MAST3: variants seen among roughly 807,000 people sequenced by gnomAD.
MAST3 encodes microtubule associated serine/threonine kinase 3, also known as microtubule-associated serine/threonine-protein kinase 3.
In MAST3, 43 loss-of-function variants were observed where a neutral mutation model predicts 127.0. That is an observed-to-expected ratio of 0.34 (90% confidence interval 0.27 to 0.44). The LOEUF is 0.44. Among genes scored for constraint, MAST3 ranks in the 20% least tolerant of loss-of-function variants. The pLI is 1.00. For synonymous variants in MAST3, 785 were observed against 809.2 expected, an observed-to-expected ratio of 0.97 and a Z score of 0.51; for missense variants, 1,390 against 1,919.1, an observed-to-expected ratio of 0.72 and a Z score of 5.15.
intron 11 of MAST3, among the ~76,000 whole-genome samples, chr19:18,126,942 G>A (rs1001095465): frequency 3.0e-4 from 46 of 151,418 alleles, no homozygotes; most frequent in African/African-American, 8.9e-4. Flanking sequence ...CACCACGCCC[G>A]GCTAATTTTT....
chr19:18,102,197 A>C, intron 1 of MAST3, among the ~76,000 whole-genome samples: 1 of 128,504 alleles, frequency 7.8e-6, no homozygotes. Context: ...TTTGAAACGG[A>C]GTTTCACTCT....
intron 18 of MAST3, 53 bp downstream of exon 18, chr19:18,135,894 C>G: frequency 7.1e-7 from 1 of 1,417,566 alleles, no homozygotes; most frequent in South Asian, 1.2e-5. Flanking sequence ...GCCCTGGGAC[C>G]CAGGGAATGG....
rs988403050 is a variant in MAST3, at chr19:18,137,330, C to T, written c.2064C>T (p.Leu688=). 1.1e-5 allele frequency: 17 copies of T among 1,613,708 alleles called. No individual in the cohort carries two copies. Among genetic ancestry groups the T allele is most frequent in the African/African-American group, 1.3e-5 (1 of 74,912 alleles). The change falls in exon 19 of 28, where the codon CTC becomes CTT. Residue 688 remains leucine, a synonymous_variant. Transcript: ENST00000687212. ...ACAAAGCCGAGTTCGTGCCCCAGCT[C>T]GAAGCTGAGGATGATACCAGCTACT... ...LRHKAEFVPQ[L]EAEDDTSYFD...
At chr19:18,118,663 G>A (rs2039594087) in intron 3 of MAST3, among the ~76,000 whole-genome samples, 1 of 152,150 alleles carries the variant, frequency 6.6e-6, no homozygotes, top group South Asian at 2.1e-4. Context: ...CATTTGGGTG[G>A]GGTGTCAGGA....
chr19:18,111,324 G>A (rs1024997633), intron 3 of MAST3, among the ~76,000 whole-genome samples: 3 of 152,170 alleles, frequency 2.0e-5, no homozygotes, highest in African/African-American at 7.2e-5. Context: ...TTTGCTACCA[G>A]GTCTGTTGAG....
chr19:18,148,294 T>TC (rs971819779), intron 27 of MAST3, among the ~76,000 whole-genome samples: 2 of 148,256 alleles, frequency 1.3e-5, no homozygotes, highest in Non-Finnish European at 3.0e-5. Flanking sequence ...AGAGCAAAAC[T>TC]CCATCTCAAA....
chr19:18,137,424 G>A (rs987548568), intron 19 of MAST3, 63 bp downstream of exon 19: 112 of 1,546,382 alleles, frequency 7.2e-5, no homozygotes, highest in South Asian at 3.9e-4. Flanking sequence ...GTCCCTGGGG[G>A]CAGAGGGCTG....
At chr19:18,131,654 G>T (rs1464039942) in intron 14 of MAST3, among the ~76,000 whole-genome samples, 1 of 150,118 alleles carries the variant, frequency 6.7e-6, no homozygotes, top group Non-Finnish European at 1.5e-5. Flanking sequence ...AGCCGAGATC[G>T]CGCCACTGCA....
intron 15 of MAST3, among the ~76,000 whole-genome samples, chr19:18,132,297 G>T (rs564819765): frequency 6.6e-6 from 1 of 152,126 alleles, no homozygotes; most frequent in Non-Finnish European, 1.5e-5. Flanking sequence ...GGGGAAGGCC[G>T]GTGCACTTAT....
At chr19:18,123,402 C>T (rs749861018) in intron 7 of MAST3, 28 bp downstream of exon 7, 10 of 1,591,500 alleles carry the variant, frequency 6.3e-6, no homozygotes, top group East Asian at 2.3e-5. Context: ...GCCCCAGCCC[C>T]GGCCCCTCCC....
intron 12 of MAST3, among the ~76,000 whole-genome samples, 191 bp from the exon 13 acceptor site, chr19:18,128,675 T>C (rs1315249948): frequency 6.6e-6 from 1 of 152,012 alleles, no homozygotes; most frequent in Non-Finnish European, 1.5e-5. Flanking sequence ...TTGCAGGACG[T>C]GTAAGAATTT....
In MAST3 at chr19:18,146,978, G is replaced by A. The variant is rs56370707; in HGVS notation, c.3260G>A (p.Arg1087His). 1.5e-4 allele frequency: 237 copies of A among 1,566,624 alleles called. No homozygotes were observed. Among genetic ancestry groups the A allele is most frequent in the Non-Finnish European group, 2.0e-4 (228 of 1,155,920 alleles). The change falls in exon 26 of 28, where the codon CGC (arginine) becomes CAC (histidine). Residue 1087 changes from arginine to histidine, a missense_variant. Arg to His is a conservative substitution (Grantham distance 29). This residue lies in a region of MAST3 where 816 missense variants were observed against 934.1 expected (regional missense o/e 0.87). Transcript: ENST00000687212. Reference sequence around the variant, plus strand: ...AATGTGGCCAAGGGCCGCATGGCACGCAGGAGCAAGAGGAGCCGTCGGCGG... The same window carrying A: ...AATGTGGCCAAGGGCCGCATGGCACACAGGAGCAAGAGGAGCCGTCGGCGG... Reference protein sequence around the residue: ...RKNVAKGRMARRSKRSRRRET... With the variant: ...RKNVAKGRMAHRSKRSRRRET...
chr19:18,120,950 ATC>A (rs1436844337), intron 3 of MAST3, among the ~76,000 whole-genome samples: 1 of 151,886 alleles, frequency 6.6e-6, no homozygotes, highest in Non-Finnish European at 1.5e-5. Flanking sequence ...CAAACTCCTG[ATC>A]TCAGGTGATC....
rs61501122 is a variant in MAST3, at chr19:18,149,985, CTTT to C, written c.*276_*278del. Reference sequence around the variant, plus strand: ...GCAACTAATTTATTACTTTTTTTTTCTTTTTTTTTTTTTTTTTTTGAGACAGAG... The same window carrying C: ...GCAACTAATTTATTACTTTTTTTTTCTTTTTTTTTTTTTTTTGAGACAGAG... On this transcript the variant is annotated 3_prime_UTR_variant, in exon 28 of 28. Coordinates refer to ENST00000687212, the MANE Select transcript of MAST3 (RefSeq NM_001393504.1). The surrounding 1 kb of genome is among the most constrained non-coding windows in gnomAD (Gnocchi z 5.9). The C allele has an allele frequency of 0.03, 5,713 of 191,342 alleles. 27 individuals are homozygous for C. Among genetic ancestry groups the C allele is most frequent in the South Asian group, 0.051 (1,039 of 20,550 alleles). The allele number at this position is 191,342 out of a possible 1,614,324, so 11.9% of individuals were successfully genotyped here. A position where few individuals can be genotyped will look rare whatever the true frequency, so the allele number is the denominator to read the frequency against.
In MAST3 at chr19:18,145,705, C is replaced by T; in HGVS notation, c.3040-38C>T. 6.5e-7 allele frequency: 1 copy of T among 1,533,422 alleles called. No homozygotes were observed. Among genetic ancestry groups the T allele is most frequent in the East Asian group, 2.4e-5 (1 of 41,046 alleles). The allele number at this position is 1,533,422 out of a possible 1,614,324, so 95.0% of individuals were successfully genotyped here. On this transcript the variant is annotated intron_variant, in intron 24 of 27. Coordinates refer to ENST00000687212, the MANE Select transcript of MAST3 (RefSeq NM_001393504.1). This position sits in a 1 kb window ranked among gnomAD's most constrained non-coding sequence, Gnocchi z 5.9. ...TGGGCTGGGGTCCCCAGATGTGGGG[C>T]CCAGGCCATTGACCCCACCGTTCTC...
intron 3 of MAST3, among the ~76,000 whole-genome samples, chr19:18,118,909 C>T (rs1011804902): frequency 1.3e-5 from 2 of 152,078 alleles, no homozygotes; most frequent in African/African-American, 2.4e-5. Flanking sequence ...GACCAGCTAC[C>T]GAAAGACCTT....
rs1280669035 is a variant in MAST3, at chr19:18,137,231, A to G, written c.1973-8A>G. On this transcript the variant is annotated splice_polypyrimidine_tract_variant and splice_region_variant and intron_variant, in intron 18 of 27. Coordinates refer to ENST00000687212, the MANE Select transcript of MAST3 (RefSeq NM_001393504.1). ...GGACCTGCAGGGCTCAGCGGGGCATATCTGCAGGTGGCACCCACGAAGTGA... is the reference window on the plus strand; with the variant it reads ...GGACCTGCAGGGCTCAGCGGGGCATGTCTGCAGGTGGCACCCACGAAGTGA... 6.2e-7 allele frequency: 1 copy of G among 1,610,514 alleles called. No homozygotes were observed. Among genetic ancestry groups the G allele is most frequent in the African/African-American group, 1.3e-5 (1 of 74,976 alleles).
At position 18,151,434 on chromosome 19, in the gene MAST3, A is replaced by T. The variant is rs966290228; in HGVS notation, c.*1708A>T. ...GCCAGACCCTGTTGTGGGCGTTGTC[A>T]TCAAGGGAGCTTGAATGGAGGGTCT... is the stretch of plus-strand genomic sequence containing the variant. On this transcript the variant is annotated 3_prime_UTR_variant, in exon 28 of 28. Transcript: ENST00000687212. The T allele has an allele frequency of 2.0e-5, 3 of 152,302 alleles. No homozygotes were observed. In the South Asian group the frequency reaches 6.2e-4, roughly 32 times the overall value. 9.4% of individuals were successfully genotyped at this position (152,302 alleles called of 1,614,324 possible). A position where few individuals can be genotyped will look rare whatever the true frequency, so the allele number is the denominator to read the frequency against.
At chr19:18,120,712 T>TTTTTG (rs367916119) in intron 3 of MAST3, among the ~76,000 whole-genome samples, 1,707 of 151,894 alleles carry the variant, frequency 0.011, 33 homozygotes, top group African/African-American at 0.037. Flanking sequence ...ATTTTTGGTT[T>TTTTTG]TTTTGTTTTG....
Sources: gnomAD v4.1 joint callset for allele counts (sites outside exome capture counted in the v4.1 genomes callset) on GRCh38, gnomAD v4.1.1 for gene constraint, gnomAD v4.1.1 regional missense constraint, Gnocchi (gnomAD v3.1) non-coding constraint, MANE v1.5 for transcripts, NCBI Gene and HGNC (gene_info 2026-07-23, HGNC 2026-07-21) for gene names.